The following KCNQ1OT1 variants were observed in gnomAD, a reference collection of about 807,000 sequenced individuals.
KCNQ1OT1 encodes KCNQ1 opposite strand/antisense transcript 1.
rs111814432 is a variant in KCNQ1OT1 at position 2,623,622 on chromosome 11, A to G, written n.76373T>C. ...ATAGCTCATTTCTATTTAGTGATGA[A>G]TAATATTTCATTGCCTGGATGTACT... On this transcript the variant is annotated non_coding_transcript_exon_variant, in exon 1 of 1. Coordinates refer to ENST00000597346, the Ensembl canonical transcript of KCNQ1OT1. The surrounding 1 kb of genome is among the most constrained non-coding windows in gnomAD (Gnocchi z 5.2). The G allele has an allele frequency of 1.8e-3, 719 of 398,574 alleles. 5 individuals carry two copies. Among genetic ancestry groups the G allele is most frequent in the African/African-American group, 0.014 (680 of 48,756 alleles). 24.7% of individuals were successfully genotyped at this position (398,574 alleles called of 1,614,324 possible). A position where few individuals can be genotyped will look rare whatever the true frequency, so the allele number is the denominator to read the frequency against.
exon 1 of KCNQ1OT1, chr11:2,675,672 C>T: frequency 2.5e-6 from 1 of 398,686 alleles, no homozygotes; most frequent in African/African-American, 2.1e-5. Context: ...CAGGGCCTGC[C>T]CTGACTCTGG....
At position 2,657,823 on chromosome 11, in the gene KCNQ1OT1, T is replaced by C. The variant is rs1590011701; in HGVS notation, n.42172A>G. 3.3e-5 allele frequency: 13 copies of C among 398,646 alleles called. No individual in the cohort carries two copies. In the East Asian group the frequency reaches 4.6e-4, roughly 14 times the overall value. 24.7% of individuals were successfully genotyped at this position (398,646 alleles called of 1,614,324 possible). A position where few individuals can be genotyped will look rare whatever the true frequency, so the allele number is the denominator to read the frequency against. On this transcript the variant is annotated non_coding_transcript_exon_variant, in exon 1 of 1. Transcript: ENST00000597346. This position sits in a 1 kb window ranked among gnomAD's most constrained non-coding sequence, Gnocchi z 4.8. ...GTGTCATTGTCCCTCAGTTTGGATT[T>C]GTCTGGTGTTTTCTCAGGACTAGAC...
In KCNQ1OT1 at chr11:2,642,563, TTTC is replaced by T. The variant is rs1425359395; in HGVS notation, n.57429_57431del. 1 of 397,898 alleles carries T rather than the reference TTTC, an allele frequency of 2.5e-6. No homozygotes were observed. The highest frequency in any genetic ancestry group is 4.4e-6 in the Non-Finnish European group (1 of 225,728). 24.6% of individuals were successfully genotyped at this position (397,898 alleles called of 1,614,324 possible). A position where few individuals can be genotyped will look rare whatever the true frequency, so the allele number is the denominator to read the frequency against. On this transcript the variant is annotated non_coding_transcript_exon_variant, in exon 1 of 1. Coordinates refer to ENST00000597346, the Ensembl canonical transcript of KCNQ1OT1. This position sits in a 1 kb window ranked among gnomAD's most constrained non-coding sequence, Gnocchi z 4.3. ...TTTTATTCATGTAGGTCTTCTCTCT[TTTC>T]TTCTTGGATAGTTTAGCCACTGGTT...
At chr11:2,650,301 G>A in exon 1 of KCNQ1OT1, 1 of 398,422 alleles carries the variant, frequency 2.5e-6, no homozygotes, top group Non-Finnish European at 4.4e-6. Flanking sequence ...TGTTCTTTTG[G>A]CAAGTCATGT....
exon 1 of KCNQ1OT1, chr11:2,656,481 G>A (rs1849849884): frequency 5.0e-6 from 2 of 398,546 alleles, no homozygotes; most frequent in East Asian, 3.6e-5. Flanking sequence ...TCTGCCACTC[G>A]CCCCCACGGG....
At position 2,671,455 on chromosome 11, in the gene KCNQ1OT1, C is replaced by G; in HGVS notation, n.28540G>C. ...CCCACTTTAGCAGGCAGAAGAGCAA[C>G]CCAGCAGGGGATATACACAAAGATC... On this transcript the variant is annotated non_coding_transcript_exon_variant, in exon 1 of 1. Coordinates refer to ENST00000597346, the Ensembl canonical transcript of KCNQ1OT1. The surrounding 1 kb of genome is among the most constrained non-coding windows in gnomAD (Gnocchi z 4.7). 1 of 398,596 alleles carries G rather than the reference C, an allele frequency of 2.5e-6. No homozygotes were observed. The allele number at this position is 398,596 out of a possible 1,614,324, so 24.7% of individuals were successfully genotyped here.
exon 1 of KCNQ1OT1, chr11:2,656,230 C>A (rs1281680405): frequency 5.0e-6 from 2 of 398,520 alleles, no homozygotes; most frequent in South Asian, 1.3e-4. Context: ...TTAGCTCTGT[C>A]ACTTGACAAC....
chr11:2,614,963 G>T, exon 1 of KCNQ1OT1: 1 of 398,378 alleles, frequency 2.5e-6, no homozygotes, highest in Non-Finnish European at 4.4e-6. Context: ...GGGTTGCATT[G>T]AATCTGTAGA....
At chr11:2,694,654 C>T (rs1850644257) in exon 1 of KCNQ1OT1, 1 of 398,600 alleles carries the variant, frequency 2.5e-6, no homozygotes, top group East Asian at 3.6e-5. Context: ...GTGACACACC[C>T]ACCATGTGCG....
At position 2,648,968 on chromosome 11, in the gene KCNQ1OT1, CT is replaced by C. The variant is rs1256301442; in HGVS notation, n.51026del. The C allele has an allele frequency of 1.4e-5, 5 of 369,122 alleles. No individual in the cohort carries two copies. The East Asian group carries it at 1.9e-4, about 14-fold the overall frequency. The allele number at this position is 369,122 out of a possible 1,614,324, so 22.9% of individuals were successfully genotyped here. A position where few individuals can be genotyped will look rare whatever the true frequency, so the allele number is the denominator to read the frequency against. ...AATTATATAATGACCTCCTTTGTCT[CT>C]TTTTTCTTTTTCTTTTTTTTTTTTT... On this transcript the variant is annotated non_coding_transcript_exon_variant, in exon 1 of 1. Transcript: ENST00000597346.
Position 2,613,952 on chromosome 11 carries a change from A to C in KCNQ1OT1, n.86043T>G. ...TTGAACTTTGCTTTTCTCACCTAAC[A>C]ACATCTCCTAGAAATCACTCAACAT... On this transcript the variant is annotated non_coding_transcript_exon_variant, in exon 1 of 1. Transcript: ENST00000597346. This position sits in a 1 kb window ranked among gnomAD's most constrained non-coding sequence, Gnocchi z 4.8. The C allele has an allele frequency of 2.5e-6, 1 of 398,588 alleles. No individual in the cohort carries two copies. Among genetic ancestry groups the C allele is most frequent in the Non-Finnish European group, 4.4e-6 (1 of 226,056 alleles). 24.7% of individuals were successfully genotyped at this position (398,588 alleles called of 1,614,324 possible).
Position 2,618,537 on chromosome 11 carries a change from C to T in KCNQ1OT1, n.81458G>A, listed in dbSNP as rs1014245037. The T allele has an allele frequency of 4.5e-5, 18 of 398,442 alleles. No individual in the cohort carries two copies. Among genetic ancestry groups the T allele is most frequent in the Middle Eastern group, 1.2e-3 (2 of 1,610 alleles). The allele number at this position is 398,442 out of a possible 1,614,324, so 24.7% of individuals were successfully genotyped here. ...ATCTTTGAATTTCTTTCTGGGCTCT[C>T]TATTCTGTTCCACTGGTCTACATGT... On this transcript the variant is annotated non_coding_transcript_exon_variant, in exon 1 of 1. Transcript: ENST00000597346.
chr11:2,643,540 C>G, exon 1 of KCNQ1OT1: 2 of 398,422 alleles, frequency 5.0e-6, no homozygotes, highest in Non-Finnish European at 8.8e-6. Flanking sequence ...AACTATGTGT[C>G]TTTACAGGTG....
Position 2,642,415 on chromosome 11 carries a change from G to A in KCNQ1OT1, n.57580C>T. On this transcript the variant is annotated non_coding_transcript_exon_variant, in exon 1 of 1. Transcript: ENST00000597346. The surrounding 1 kb of genome is among the most constrained non-coding windows in gnomAD (Gnocchi z 4.3). ...TTTCTTTCTCAGCTGGTTCTTTATTGGTATATAGAAATAAGCCTGATTTTT... is the reference window on the plus strand; with the variant it reads ...TTTCTTTCTCAGCTGGTTCTTTATTAGTATATAGAAATAAGCCTGATTTTT... 5.0e-6 allele frequency: 2 copies of A among 397,902 alleles called. No individual in the cohort carries two copies. Among genetic ancestry groups the A allele is most frequent in the South Asian group, 1.3e-4 (1 of 7,824 alleles). The allele number at this position is 397,902 out of a possible 1,614,324, so 24.6% of individuals were successfully genotyped here.
chr11:2,627,021 C>T lies in KCNQ1OT1; in HGVS notation n.72974G>A. On this transcript the variant is annotated non_coding_transcript_exon_variant, in exon 1 of 1. Coordinates refer to ENST00000597346, the Ensembl canonical transcript of KCNQ1OT1. This position sits in a 1 kb window ranked among gnomAD's most constrained non-coding sequence, Gnocchi z 4.9. ...TGTAGATTGTTTTGTGTGGTACTGA[C>T]ACCTTAACAATATTGGCCTTCCAAT... The T allele has an allele frequency of 2.5e-6, 1 of 398,530 alleles. No homozygotes were observed. Among genetic ancestry groups the T allele is most frequent in the Non-Finnish European group, 4.4e-6 (1 of 226,062 alleles). 24.7% of individuals were successfully genotyped at this position (398,530 alleles called of 1,614,324 possible). A position where few individuals can be genotyped will look rare whatever the true frequency, so the allele number is the denominator to read the frequency against.
At position 2,617,669 on chromosome 11, in the gene KCNQ1OT1, A is replaced by T; in HGVS notation, n.82326T>A. 1 of 398,550 alleles carries T rather than the reference A, an allele frequency of 2.5e-6. No individual in the cohort carries two copies. Among genetic ancestry groups the T allele is most frequent in the Non-Finnish European group, 4.4e-6 (1 of 226,012 alleles). The allele number at this position is 398,550 out of a possible 1,614,324, so 24.7% of individuals were successfully genotyped here. A position where few individuals can be genotyped will look rare whatever the true frequency, so the allele number is the denominator to read the frequency against. ...TTTCATTATGACTGCACCAATCTAC[A>T]GTCCCACCAACACTGTACAAGAGTT... On this transcript the variant is annotated non_coding_transcript_exon_variant, in exon 1 of 1. Coordinates refer to ENST00000597346, the Ensembl canonical transcript of KCNQ1OT1. This position sits in a 1 kb window ranked among gnomAD's most constrained non-coding sequence, Gnocchi z 4.6.
At chr11:2,610,362 G>C (rs927928703) in exon 1 of KCNQ1OT1, 2 of 397,904 alleles carry the variant, frequency 5.0e-6, no homozygotes, top group African/African-American at 4.1e-5. Flanking sequence ...ACTATATAAT[G>C]ATATATCTTT....
chr11:2,629,519 T>G, exon 1 of KCNQ1OT1: 1 of 398,408 alleles, frequency 2.5e-6, no homozygotes, highest in Non-Finnish European at 4.4e-6. Context: ...TGGAGTTAGG[T>G]AAAGGTCTCG....
rs1849223224 is a variant in KCNQ1OT1, at chr11:2,624,118, C to T, written n.75877G>A. ...TTTGAATTTTGGCCATTCTAATAAG[C>T]GTGTAGATATATCACATTTCTTGTT... On this transcript the variant is annotated non_coding_transcript_exon_variant, in exon 1 of 1. Transcript: ENST00000597346. This position sits in a 1 kb window ranked among gnomAD's most constrained non-coding sequence, Gnocchi z 4.9. 5 of 398,332 alleles carry T rather than the reference C, an allele frequency of 1.3e-5. No individual in the cohort carries two copies. The highest frequency in any genetic ancestry group is 2.2e-5 in the Non-Finnish European group (5 of 226,042). 24.7% of individuals were successfully genotyped at this position (398,332 alleles called of 1,614,324 possible).
Sources: gnomAD v4.1 joint callset for allele counts on GRCh38, gnomAD v4.1.1 for gene constraint, Gnocchi (gnomAD v3.1) non-coding constraint, MANE v1.5 for transcripts, NCBI Gene and HGNC (gene_info 2026-07-23, HGNC 2026-07-21) for gene names.